C1orf94: variants seen among roughly 807,000 people sequenced by gnomAD.
The protein encoded by C1orf94 is chromosome 1 open reading frame 94, also known as uncharacterized protein C1orf94.
Under a neutral mutation model 53.6 loss-of-function variants are expected in C1orf94, and 45 were observed. The observed-to-expected ratio is 0.84, with a 90% confidence interval of 0.66 to 1.08. The LOEUF is 1.08. Ranked by LOEUF, C1orf94 falls within the 50% of genes least tolerant of loss-of-function variation. The pLI is 0.00. For synonymous variants in C1orf94, 304 were observed against 296.1 expected (o/e 1.03, Z -0.27); for missense variants, 762 against 738.9 (o/e 1.03, Z -0.36).
intron 1 of C1orf94, among the ~76,000 whole-genome samples, chr1:34,168,979 A>T (rs1025980674): frequency 6.6e-6 from 1 of 152,178 alleles, no homozygotes; most frequent in Non-Finnish European, 1.5e-5. Flanking sequence ...CAGAAAATAT[A>T]TGTAAAGAGA....
chr1:34,190,095 C>T (rs1385250730), intron 1 of C1orf94, among the ~76,000 whole-genome samples: 2 of 152,198 alleles, frequency 1.3e-5, no homozygotes, highest in African/African-American at 4.8e-5. Context: ...TCCTGAGCCT[C>T]AATTTCCTCT....
At position 34,177,967 on chromosome 1, in the gene C1orf94, G is replaced by A; in HGVS notation, c.178G>A (p.Asp60Asn). The change falls in exon 1 of 7, where the codon GAC becomes AAC. Residue 60 changes from aspartate (D) to asparagine (N), a missense_variant. Physicochemically the swap from Asp to Asn is conservative, Grantham distance 23. Coordinates refer to ENST00000488417, the MANE Select transcript of C1orf94 (RefSeq NM_001134734.2). ...YIWIHQDTPQ[D>N]SLDKTCHEIW... ...CTGGATCCACCAGGACACACCCCAA[G>A]ACAGCCTAGACAAGACTTGCCATGA... is the stretch of plus-strand genomic sequence containing the variant. 6.4e-7 allele frequency: 1 copy of A among 1,551,726 alleles called. No homozygotes were observed. The highest frequency in any genetic ancestry group is 2.4e-5 in the East Asian group (1 of 40,908).
intron 6 of C1orf94, among the ~76,000 whole-genome samples, chr1:34,217,635 C>A (rs968563390): frequency 3.3e-5 from 5 of 152,326 alleles, no homozygotes; most frequent in Admixed American, 2.6e-4. Context: ...GCTAGTGAGA[C>A]AACCCAGCCC....
intron 1 of C1orf94, among the ~76,000 whole-genome samples, chr1:34,178,924 G>C (rs1434263567): frequency 6.6e-6 from 1 of 152,242 alleles, no homozygotes; most frequent in African/African-American, 2.4e-5. Flanking sequence ...CAGAGTCCCT[G>C]TGAGGCAGGT....
At chr1:34,196,248 G>C (rs902365784) in intron 1 of C1orf94, among the ~76,000 whole-genome samples, 1 of 152,182 alleles carries the variant, frequency 6.6e-6, no homozygotes, top group African/African-American at 2.4e-5. Context: ...AAGTGGCAAC[G>C]AGGAGCCTAA....
At chr1:34,172,023 TAGA>T (rs988823455), upstream of C1orf94, among the ~76,000 whole-genome samples, 3 of 152,204 alleles carry the variant, frequency 2.0e-5, no homozygotes, top group African/African-American at 4.8e-5. Context: ...AGCAGTAAGG[TAGA>T]AGAAGTCTTA....
intron 1 of C1orf94, among the ~76,000 whole-genome samples, chr1:34,184,931 A>G (rs1642363079): frequency 6.6e-6 from 1 of 152,128 alleles, no homozygotes; most frequent in African/African-American, 2.4e-5. Context: ...GATGTCTCAG[A>G]CTAGAAGCCA....
intron 4 of C1orf94, among the ~76,000 whole-genome samples, chr1:34,205,778 A>C (rs1642782115): frequency 6.6e-6 from 1 of 152,068 alleles, no homozygotes; most frequent in Non-Finnish European, 1.5e-5. Context: ...AAGGTCCCAA[A>C]TCCAATTTAC....
At chr1:34,182,013 G>T (rs183366867) in intron 1 of C1orf94, among the ~76,000 whole-genome samples, 2 of 152,234 alleles carry the variant, frequency 1.3e-5, no homozygotes, top group African/African-American at 4.8e-5. Flanking sequence ...GGGCAACATG[G>T]CAAGACCTCA....
At position 34,202,255 on chromosome 1, in the gene C1orf94, ATCAGG is replaced by A. The variant is rs1249806474; in HGVS notation, c.1446+1_1446+5del. ...ACGAATCACTCTACCTTCTTGCAGT[ATCAGG>A]TCAGTGAGCTGGCCTGGCTCTCCTG... On this transcript the variant is annotated splice_donor_variant and coding_sequence_variant, in exon 4 of 7. Transcript: ENST00000488417. LOFTEE classifies it high-confidence loss of function. 6.2e-7 allele frequency: 1 copy of A among 1,614,052 alleles called. No homozygotes were observed. Among genetic ancestry groups the A allele is most frequent in the Non-Finnish European group, 8.5e-7 (1 of 1,179,970 alleles).
At chr1:34,201,266 C>T (rs1642703144) in intron 3 of C1orf94, among the ~76,000 whole-genome samples, 1 of 152,294 alleles carries the variant, frequency 6.6e-6, no homozygotes, top group South Asian at 2.1e-4. Flanking sequence ...TATTAATGGT[C>T]ACTTCTGAAT....
At chr1:34,208,120 C>A in intron 4 of C1orf94, 37 bp from the exon 5 acceptor site, 1 of 1,605,060 alleles carries the variant, frequency 6.2e-7, no homozygotes, top group Non-Finnish European at 8.5e-7. Context: ...GCAGGAAACC[C>A]CTTGCCTGGC....
At chr1:34,196,194 C>T (rs931551987) in intron 1 of C1orf94, among the ~76,000 whole-genome samples, 2 of 152,120 alleles carry the variant, frequency 1.3e-5, no homozygotes, top group African/African-American at 4.8e-5. Context: ...GGCGGGGCCA[C>T]CAGCCAGGCC....
intron 1 of C1orf94, among the ~76,000 whole-genome samples, chr1:34,194,487 T>C (rs1486640135): frequency 6.6e-6 from 1 of 152,160 alleles, no homozygotes; most frequent in South Asian, 2.1e-4. Flanking sequence ...GTGGGGCTTC[T>C]AGAAGCTACT....
At chr1:34,173,385 C>G (rs1422738391), upstream of C1orf94, among the ~76,000 whole-genome samples, 3 of 152,108 alleles carry the variant, frequency 2.0e-5, no homozygotes, top group Non-Finnish European at 2.9e-5. Flanking sequence ...GAGTAAGCAG[C>G]CTTAGGGGCT....
chr1:34,169,398 C>G (rs753063037), intron 1 of C1orf94, among the ~76,000 whole-genome samples: 6 of 152,126 alleles, frequency 3.9e-5, no homozygotes, highest in Non-Finnish European at 8.8e-5. Flanking sequence ...TTTACAATAT[C>G]ACATTGCAAA....
At chr1:34,210,440 G>T (rs961266961) in intron 5 of C1orf94, among the ~76,000 whole-genome samples, 15 of 152,144 alleles carry the variant, frequency 9.9e-5, no homozygotes, top group Non-Finnish European at 1.0e-4. Flanking sequence ...GAGAACCAAG[G>T]TATAGGCTCC....
intron 3 of C1orf94, among the ~76,000 whole-genome samples, chr1:34,201,628 G>A (rs944308123): frequency 6.6e-6 from 1 of 152,194 alleles, no homozygotes; most frequent in African/African-American, 2.4e-5. Flanking sequence ...AACAACCTGT[G>A]AAAGTTTCTT....
At chr1:34,210,290 T>G (rs1436699961) in intron 5 of C1orf94, among the ~76,000 whole-genome samples, 1 of 152,218 alleles carries the variant, frequency 6.6e-6, no homozygotes, top group Non-Finnish European at 1.5e-5. Context: ...CTTGGCATGT[T>G]CTGACCTTTA....
Sources: gnomAD v4.1 joint callset for allele counts (sites outside exome capture counted in the v4.1 genomes callset) on GRCh38, gnomAD v4.1.1 for gene constraint, MANE v1.5 for transcripts, NCBI Gene and HGNC (gene_info 2026-07-23, HGNC 2026-07-21) for gene names.